The following CATSPERB variants were observed in gnomAD, a reference collection of about 807,000 sequenced individuals.
CATSPERB encodes catsper channel auxiliary subunit beta.
In CATSPERB, 93 loss-of-function variants were observed where a neutral mutation model predicts 128.3. The observed-to-expected ratio is 0.72, with a 90% CI of 0.61 to 0.86. CATSPERB has a LOEUF of 0.86. Ranked by LOEUF, CATSPERB falls within the 40% of genes least tolerant of loss-of-function variation. The probability of loss-of-function intolerance (pLI) is 0.00; values close to 1 mark genes in which losing one functional copy is unlikely to be tolerated. For missense variants in CATSPERB, 1,153 were observed against 1,329.5 expected (o/e 0.87, Z 2.06); for synonymous variants, 381 against 448.8 (o/e 0.85, Z 1.91).
intron 7 of CATSPERB, among the ~76,000 whole-genome samples, chr14:91,694,326 C>T (rs969207987): frequency 6.6e-6 from 1 of 151,304 alleles, no homozygotes; most frequent in Non-Finnish European, 1.5e-5. Flanking sequence ...TGCCTGTAGT[C>T]CCAGCTACTC....
intron 13 of CATSPERB, among the ~76,000 whole-genome samples, chr14:91,671,222 C>G (rs7145235): frequency 0.4 from 60,112 of 151,824 alleles, 12,069 homozygotes; most frequent in Middle Eastern, 0.54. Flanking sequence ...GAGTTTTATA[C>G]CCCTGAAGGA....
intron 11 of CATSPERB, among the ~76,000 whole-genome samples, chr14:91,677,409 C>T (rs1895209810): frequency 1.3e-5 from 2 of 152,240 alleles, no homozygotes; most frequent in African/African-American, 2.4e-5. Flanking sequence ...TATGAACAGA[C>T]ACTTCTCAAA....
At chr14:91,721,295 A>C (rs1412208697) in intron 4 of CATSPERB, among the ~76,000 whole-genome samples, 1 of 152,230 alleles carries the variant, frequency 6.6e-6, no homozygotes, top group African/African-American at 2.4e-5. Flanking sequence ...GACAACGCAT[A>C]GAATGAGAGA....
intron 20 of CATSPERB, among the ~76,000 whole-genome samples, chr14:91,611,476 G>A (rs1443691094): frequency 6.6e-6 from 1 of 152,144 alleles, no homozygotes; most frequent in African/African-American, 2.4e-5. Flanking sequence ...CAGACGTGGT[G>A]GCATATGCCT....
rs577294233 is a variant in CATSPERB, at chr14:91,670,830, C to G, written c.1129-858G>C. Among the ~76,000 whole-genome samples, 15 of 152,152 alleles carry G rather than the reference C, an allele frequency of 9.9e-5. No homozygotes were observed. The East Asian group carries it at 2.9e-3, about 29-fold the overall frequency. The stretch of plus-strand genomic sequence containing the variant: ...GCCAGCCTGGACAACATGGCAAAAC[C>G]CTGTCTCTACTAAAAATACAAAAAT... On this transcript the variant is annotated intron_variant, in intron 13 of 26. Coordinates refer to ENST00000256343, the MANE Select transcript of CATSPERB (RefSeq NM_024764.4).
At chr14:91,709,035 CA>C in intron 5 of CATSPERB, 1 of 152,454 alleles carries the variant, frequency 6.6e-6, no homozygotes, top group Non-Finnish European at 1.5e-5. Flanking sequence ...CACACCTGGT[CA>C]AAATGGTCTG....
chr14:91,618,363 G>A (rs1299364828), intron 19 of CATSPERB, among the ~76,000 whole-genome samples: 1 of 152,222 alleles, frequency 6.6e-6, no homozygotes, highest in Non-Finnish European at 1.5e-5. Flanking sequence ...ATCTGGGAAT[G>A]CAACCCAGTA....
At chr14:91,690,450 C>T (rs1895446680) in intron 10 of CATSPERB, among the ~76,000 whole-genome samples, 1 of 152,190 alleles carries the variant, frequency 6.6e-6, no homozygotes, top group African/African-American at 2.4e-5. Flanking sequence ...CAGTTTTCCT[C>T]ACTGTTTCTG....
chr14:91,648,621 G>T (rs1016065162), intron 15 of CATSPERB, among the ~76,000 whole-genome samples: 1 of 151,830 alleles, frequency 6.6e-6, no homozygotes, highest in African/African-American at 2.4e-5. Context: ...TGATATATTT[G>T]TACTATTTAT....
chr14:91,662,760 C>T (rs115138074), intron 14 of CATSPERB, among the ~76,000 whole-genome samples: 9 of 152,186 alleles, frequency 5.9e-5, no homozygotes, highest in African/African-American at 1.2e-4. Flanking sequence ...ATGATATCGT[C>T]GTTCATTCCT....
intron 6 of CATSPERB, among the ~76,000 whole-genome samples, chr14:91,706,629 T>C (rs1895737267): frequency 6.6e-6 from 1 of 152,122 alleles, no homozygotes; most frequent in South Asian, 2.1e-4. Context: ...TATGAAGAAA[T>C]AGAGACAAGG....
intron 22 of CATSPERB, among the ~76,000 whole-genome samples, chr14:91,607,371 A>T (rs1045870056): frequency 6.6e-6 from 1 of 152,186 alleles, no homozygotes; most frequent in Admixed American, 6.5e-5. Flanking sequence ...AGAAGGGCTT[A>T]CTGTGATGGT....
chr14:91,611,032 G>GA (rs1239415587), intron 20 of CATSPERB, among the ~76,000 whole-genome samples: 1 of 152,148 alleles, frequency 6.6e-6, no homozygotes, highest in East Asian at 1.9e-4. Context: ...GTAGCCACTA[G>GA]AACTGTAAGA....
At chr14:91,665,068 T>G (rs1030615301) in intron 14 of CATSPERB, among the ~76,000 whole-genome samples, 1 of 152,132 alleles carries the variant, frequency 6.6e-6, no homozygotes, top group Non-Finnish European at 1.5e-5. Context: ...TTTTTTTTAT[T>G]TTTTGGTGGA....
At chr14:91,612,016 C>CTTTCTTTCTTTA (rs1893838353) in intron 20 of CATSPERB, among the ~76,000 whole-genome samples, 1 of 62,836 alleles carries the variant, frequency 1.6e-5, no homozygotes, top group South Asian at 5.8e-4. Context: ...TTACTGTTTT[C>CTTTCTTTCTTTA]TTTCTTTCTT....
At chr14:91,653,517 T>TACAGTTGC in intron 15 of CATSPERB, among the ~76,000 whole-genome samples, 1 of 152,284 alleles carries the variant, frequency 6.6e-6, no homozygotes, top group South Asian at 2.1e-4. Flanking sequence ...TAATTAGACT[T>TACAGTTGC]ACAGTTCCAC....
chr14:91,610,549 G>A lies in CATSPERB; in HGVS notation c.2529C>T (p.Ile843=), dbSNP rs1893806392. The A allele has an allele frequency of 6.2e-7, 1 of 1,613,828 alleles. No homozygotes were observed. ...CTCCACTAATCCAGTCTTCAAATGG[G>A]ATAAATTTGCTAGGAATGTGATGCA... is the stretch of plus-strand genomic sequence containing the variant. ...RSMHHIPSKF[I]PFEDWISGVH... is the part of the protein sequence containing the mutation. Residue 843 remains isoleucine (I), a synonymous_variant, in exon 21 of 27, where the codon ATC becomes ATT. Coordinates refer to ENST00000256343, the MANE Select transcript of CATSPERB (RefSeq NM_024764.4).
At chr14:91,657,237 C>T (rs1894803683) in intron 15 of CATSPERB, among the ~76,000 whole-genome samples, 1 of 152,086 alleles carries the variant, frequency 6.6e-6, no homozygotes, top group Non-Finnish European at 1.5e-5. Context: ...ACGCTCTTCT[C>T]CTCAGCACAT....
intron 4 of CATSPERB, among the ~76,000 whole-genome samples, chr14:91,722,301 CT>C (rs1896048573): frequency 6.6e-6 from 1 of 152,286 alleles, no homozygotes; most frequent in African/African-American, 2.4e-5. Flanking sequence ...GGTTCATCAA[CT>C]GATAAATGGA....
Sources: allele counts gnomAD v4.1 joint callset (sites outside exome capture counted in the v4.1 genomes callset), GRCh38; gene constraint gnomAD v4.1.1; transcripts MANE v1.5; gene names NCBI Gene and HGNC (gene_info 2026-07-23, HGNC 2026-07-21).